ZNF451: variants seen among roughly 807,000 people sequenced by gnomAD.
The protein encoded by ZNF451 is zinc finger protein 451.
A neutral mutation model predicts 107.1 loss-of-function variants in ZNF451; 80 were observed. The ratio of observed to expected loss-of-function variants is 0.75; its 90% CI spans 0.62 to 0.90. The LOEUF (loss-of-function observed/expected upper bound fraction) is 0.90. Ranked by LOEUF, ZNF451 falls within the 40% of genes least tolerant of loss-of-function variation. The pLI, the probability that ZNF451 is intolerant of heterozygous loss-of-function variation, is 0.00. For synonymous variants in ZNF451, 362 were observed against 406.5 expected (o/e 0.89, Z 1.32); for missense variants, 1,107 against 1,236.2 (o/e 0.90, Z 1.57).
chr6:57,149,818 C>T (rs778947483), intron 10 of ZNF451, among the ~76,000 whole-genome samples: 1 of 150,226 alleles, frequency 6.7e-6, no homozygotes, highest in East Asian at 1.9e-4. Flanking sequence ...CTTTCTTTTG[C>T]GCTTCTGTTT....
At chr6:57,150,933 C>G (rs1196059723) in intron 11 of ZNF451, 71 bp downstream of exon 11, 1 of 1,524,410 alleles carries the variant, frequency 6.6e-7, no homozygotes, top group Non-Finnish European at 9.0e-7. Flanking sequence ...TTAAAAGGCT[C>G]CTCTTAAACC....
At chr6:57,158,805 G>A (rs1387912929) in intron 13 of ZNF451, 1 of 985,306 alleles carries the variant, frequency 1.0e-6, no homozygotes, top group East Asian at 1.1e-4. Context: ...TTGTTTATAA[G>A]CCTGAGACTG....
At chr6:57,107,838 ATTTTT>A (rs71799243) in intron 3 of ZNF451, 7 of 880,640 alleles carry the variant, frequency 7.9e-6, no homozygotes, top group Admixed American at 7.0e-5. Context: ...ATATTTGATG[ATTTTT>A]TTTTTTTTTT....
At chr6:57,093,309 G>A (rs1394543633) in intron 2 of ZNF451, among the ~76,000 whole-genome samples, 3 of 152,176 alleles carry the variant, frequency 2.0e-5, no homozygotes, top group Admixed American at 2.0e-4. Context: ...ATCATTGGAA[G>A]TCAGTGAAAT....
intron 2 of ZNF451, among the ~76,000 whole-genome samples, chr6:57,096,215 G>A (rs530538920): frequency 6.5e-5 from 6 of 92,942 alleles, no homozygotes; most frequent in Non-Finnish European, 9.8e-5. Context: ...ATGGAGTTTC[G>A]CTCTTGTCAC....
Position 57,147,654 on chromosome 6 carries a change from G to A in ZNF451, c.1569G>A (p.Gly523=). Residue 523 remains glycine (G), a synonymous_variant, in exon 10 of 15, where the codon GGG becomes GGA. Coordinates refer to ENST00000370706, the MANE Select transcript of ZNF451 (RefSeq NM_001031623.3). ...IRLHMSRIHG[G]AHLNNFLFWC... ...TACACATGAGCCGGATTCACGGAGG[G>A]GCACATTTAAATAACTTTCTTTTCT... is the stretch of plus-strand genomic sequence containing the variant. 2 of 1,614,068 alleles carry A rather than the reference G, an allele frequency of 1.2e-6. No homozygotes were observed. The highest frequency in any genetic ancestry group is 1.7e-6 in the Non-Finnish European group (2 of 1,179,984).
At position 57,148,728 on chromosome 6, in the gene ZNF451, C is replaced by G. The variant is rs191609956; in HGVS notation, c.2608+35C>G. 1.6e-5 allele frequency: 24 copies of G among 1,527,424 alleles called. No individual in the cohort carries two copies. The Admixed American group carries it at 3.8e-4, about 24-fold the overall frequency. 94.6% of individuals were successfully genotyped at this position (1,527,424 alleles called of 1,614,324 possible). Reference sequence around the variant, plus strand: ...TATAGCTCTATGCAAATTTCATATACTGATATTGAAACTTACAATGTACCC... The same window carrying G: ...TATAGCTCTATGCAAATTTCATATAGTGATATTGAAACTTACAATGTACCC... On this transcript the variant is annotated intron_variant, in intron 10 of 14. Transcript: ENST00000370706.
chr6:57,132,387 A>G (rs972530974), intron 5 of ZNF451, among the ~76,000 whole-genome samples: 2 of 152,210 alleles, frequency 1.3e-5, no homozygotes, highest in African/African-American at 4.8e-5. Context: ...CTAAATTTAT[A>G]ACACAGTTGA....
intron 3 of ZNF451, among the ~76,000 whole-genome samples, chr6:57,111,371 G>GTTT (rs372422404): frequency 3.0e-5 from 4 of 133,320 alleles, no homozygotes; most frequent in Admixed American, 7.5e-5. Context: ...GGGTTTTTTT[G>GTTT]TTTTTTTTTT....
chr6:57,142,044 T>C lies in ZNF451; in HGVS notation c.953T>C (p.Val318Ala). ...GATGTTCCCTTTCAAGTTAAGTGTGTGGCCTGCCACAAGACACTGCGTTCC... is the reference window on the plus strand; with the variant it reads ...GATGTTCCCTTTCAAGTTAAGTGTGCGGCCTGCCACAAGACACTGCGTTCC... ...CKDVPFQVKC[V>A]ACHKTLRSHM... The change falls in exon 9 of 15, where the codon GTG becomes GCG. Residue 318 changes from valine to alanine, a missense_variant. Coordinates refer to ENST00000370706, the MANE Select transcript of ZNF451 (RefSeq NM_001031623.3). 6.2e-7 allele frequency: 1 copy of C among 1,614,096 alleles called. No homozygotes were observed. The highest frequency in any genetic ancestry group is 2.2e-5 in the East Asian group (1 of 44,886).
intron 2 of ZNF451, among the ~76,000 whole-genome samples, chr6:57,097,336 G>A (rs1829376500): frequency 6.6e-6 from 1 of 152,148 alleles, no homozygotes. Flanking sequence ...TTTGAGACTG[G>A]ATGCCTATTC....
intron 3 of ZNF451, among the ~76,000 whole-genome samples, chr6:57,117,616 T>C (rs1270891577): frequency 6.6e-6 from 1 of 152,200 alleles, no homozygotes; most frequent in African/African-American, 2.4e-5. Context: ...AATATACTTA[T>C]GTGACTAGTG....
At chr6:57,136,781 C>T (rs1831449672) in intron 7 of ZNF451, among the ~76,000 whole-genome samples, 1 of 151,990 alleles carries the variant, frequency 6.6e-6, no homozygotes, top group African/African-American at 2.4e-5. Flanking sequence ...TGAATTTTTT[C>T]ACTTATTTTT....
chr6:57,105,106 A>G (rs747957167), intron 3 of ZNF451: 1 of 985,312 alleles, frequency 1.0e-6, no homozygotes, highest in South Asian at 4.7e-5. Flanking sequence ...AGAAACTCTT[A>G]GTCAGATAAT....
At chr6:57,099,500 G>A in intron 3 of ZNF451, 1 of 716,906 alleles carries the variant, frequency 1.4e-6, no homozygotes. Context: ...TTTTGTTCCA[G>A]AACCACATGA....
At chr6:57,111,773 A>G (rs976321913) in intron 3 of ZNF451, among the ~76,000 whole-genome samples, 9 of 152,232 alleles carry the variant, frequency 5.9e-5, no homozygotes, top group African/African-American at 2.2e-4. Flanking sequence ...AATGATTTTT[A>G]TAGAGATAGA....
At chr6:57,116,298 C>T (rs1352109861) in intron 3 of ZNF451, 2 of 152,130 alleles carry the variant, frequency 1.3e-5, no homozygotes, top group African/African-American at 4.8e-5. Context: ...GTGGCTTACG[C>T]CACAGCACTT....
chr6:57,163,482 G>A (rs113664244), intron 14 of ZNF451, among the ~76,000 whole-genome samples: 153 of 66,616 alleles, frequency 2.3e-3, no homozygotes, highest in African/African-American at 7.7e-3. Flanking sequence ...ACGGAGTCTC[G>A]CTCTGTCGCC....
chr6:57,148,111 T>G lies in ZNF451; in HGVS notation c.2026T>G (p.Phe676Val), dbSNP rs1490600407. Residue 676 changes from phenylalanine to valine, a missense_variant, in exon 10 of 15, where the codon TTT becomes GTT. Around this residue, in one of 5 missense-constraint regions of ZNF451, gnomAD observed 608 missense variants for 649.2 expected, o/e 0.94. Coordinates refer to ENST00000370706, the MANE Select transcript of ZNF451 (RefSeq NM_001031623.3). Reference protein sequence around the residue: ...KYFCGLCDLIFNVEEAFLSHY... With the variant: ...KYFCGLCDLIVNVEEAFLSHY... Reference sequence around the variant, plus strand: ...CTTCTGTGGGCTTTGTGATCTTATCTTTAATGTGGAAGAAGCATTTCTGAG... The same window carrying G: ...CTTCTGTGGGCTTTGTGATCTTATCGTTAATGTGGAAGAAGCATTTCTGAG... 1.2e-6 allele frequency: 2 copies of G among 1,613,988 alleles called. No homozygotes were observed. Among genetic ancestry groups the G allele is most frequent in the Non-Finnish European group, 8.5e-7 (1 of 1,179,978 alleles).
Sources: gnomAD v4.1 joint callset for allele counts (sites outside exome capture counted in the v4.1 genomes callset) on GRCh38, gnomAD v4.1.1 for gene constraint, gnomAD v4.1.1 regional missense constraint, MANE v1.5 for transcripts, NCBI Gene and HGNC (gene_info 2026-07-23, HGNC 2026-07-21) for gene names.